Variants in ADAMTS18 observed in about 807,000 individuals in gnomAD.
The protein encoded by ADAMTS18 is A disintegrin and metalloproteinase with thrombospondin motifs 18.
In ADAMTS18, 157 loss-of-function variants were observed where a neutral mutation model predicts 165.9. The ratio of observed to expected loss-of-function variants is 0.95; its 90% CI spans 0.83 to 1.08. The LOEUF (loss-of-function observed/expected upper bound fraction) is 1.08. Among genes scored for constraint, ADAMTS18 ranks in the 50% least tolerant of loss-of-function variants. ADAMTS18 has a pLI of 0.00. For missense variants in ADAMTS18, 2,040 were observed against 1,534.0 expected (o/e 1.33, Z -5.51); for synonymous variants, 782 against 578.2 (o/e 1.35, Z -5.06).
chr16:77,352,499 G>A (rs1021374937), intron 10 of ADAMTS18, among the ~76,000 whole-genome samples: 16 of 152,074 alleles, frequency 1.1e-4, no homozygotes, highest in African/African-American at 3.1e-4. Flanking sequence ...GGTCAAAAGC[G>A]GTAATAATTC....
chr16:77,358,098 T>G (rs2056657688), intron 8 of ADAMTS18, among the ~76,000 whole-genome samples: 1 of 152,232 alleles, frequency 6.6e-6, no homozygotes, highest in Non-Finnish European at 1.5e-5. Flanking sequence ...AGCATTGTTC[T>G]TAGTGAGCAT....
intron 6 of ADAMTS18, 61 bp from the exon 7 acceptor site, chr16:77,362,325 A>C (rs2056727833): frequency 6.3e-7 from 1 of 1,577,652 alleles, no homozygotes; most frequent in Non-Finnish European, 8.7e-7. Context: ...ATGCTGAATC[A>C]TTCCATTTGT....
intron 16 of ADAMTS18, among the ~76,000 whole-genome samples, chr16:77,304,276 C>G (rs902875942): frequency 6.6e-6 from 1 of 152,112 alleles, no homozygotes; most frequent in Admixed American, 6.5e-5. Context: ...CTGGGCAACA[C>G]AGCAAGACCC....
intron 3 of ADAMTS18, among the ~76,000 whole-genome samples, chr16:77,404,061 C>T (rs2057364985): frequency 7.0e-6 from 1 of 142,270 alleles, no homozygotes; most frequent in African/African-American, 2.5e-5. Flanking sequence ...CCCTTTTCCT[C>T]TGCTTTCTGC....
At position 77,325,954 on chromosome 16, in the gene ADAMTS18, C is replaced by G; in HGVS notation, c.1944G>C (p.Leu648Phe). The change falls in exon 13 of 23, where the codon TTG becomes TTC. Residue 648 changes from leucine (L) to phenylalanine (F), a missense_variant. By Grantham distance (22) the Leu-to-Phe change is conservative (BLOSUM62 0). Coordinates refer to ENST00000282849, the MANE Select transcript of ADAMTS18 (RefSeq NM_199355.4). ...CNINPCNENS[L>F]DFRAQQCAEY... ...CTGCACACTGTTGAGCCCGAAAATC[C>G]AAGCTATTTTCATTGCAAGGGTTAA... 1 of 1,614,008 alleles carries G rather than the reference C, an allele frequency of 6.2e-7. No homozygotes were observed. Among genetic ancestry groups the G allele is most frequent in the Non-Finnish European group, 8.5e-7 (1 of 1,179,952 alleles).
chr16:77,289,440 G>A, intron 21 of ADAMTS18, 29 bp from the exon 22 acceptor site: 2 of 1,612,732 alleles, frequency 1.2e-6, no homozygotes, highest in Non-Finnish European at 1.7e-6. Context: ...GAAGGAGTCA[G>A]AAACACTCTA....
chr16:77,288,811 C>G (rs374253310), intron 22 of ADAMTS18, among the ~76,000 whole-genome samples: 1 of 152,148 alleles, frequency 6.6e-6, no homozygotes, highest in Non-Finnish European at 1.5e-5. Flanking sequence ...CAGACCCATG[C>G]AAACAAGATC....
At chr16:77,379,280 A>G (rs550877905) in intron 3 of ADAMTS18, among the ~76,000 whole-genome samples, 1 of 152,158 alleles carries the variant, frequency 6.6e-6, no homozygotes, top group South Asian at 2.1e-4. Flanking sequence ...TCAATCTCTT[A>G]TCCTCCTGCT....
At chr16:77,361,402 T>C (rs1056032360) in intron 7 of ADAMTS18, among the ~76,000 whole-genome samples, 4 of 152,190 alleles carry the variant, frequency 2.6e-5, no homozygotes, top group African/African-American at 9.7e-5. Context: ...ATGGAAGAAA[T>C]GAGTACTTCA....
chr16:77,343,859 C>T (rs2056435671), intron 10 of ADAMTS18, among the ~76,000 whole-genome samples: 1 of 151,900 alleles, frequency 6.6e-6, no homozygotes, highest in African/African-American at 2.4e-5. Context: ...ATTCTATTTC[C>T]AAAGATAAAA....
chr16:77,427,528 T>A (rs1406254904), intron 3 of ADAMTS18, among the ~76,000 whole-genome samples: 1 of 152,192 alleles, frequency 6.6e-6, no homozygotes, highest in African/African-American at 2.4e-5. Context: ...ATTAGGTTAA[T>A]CTGTACCTCT....
intron 16 of ADAMTS18, among the ~76,000 whole-genome samples, chr16:77,307,436 T>C (rs954044): frequency 0.82 from 125,174 of 152,222 alleles, 51,726 homozygotes; most frequent in African/African-American, 0.89. Flanking sequence ...GATTTGGAAA[T>C]GCATCTGTTA....
At chr16:77,312,866 C>G (rs1424459321) in intron 16 of ADAMTS18, among the ~76,000 whole-genome samples, 2 of 152,122 alleles carry the variant, frequency 1.3e-5, no homozygotes, top group Non-Finnish European at 2.9e-5. Flanking sequence ...CTAGTTCAAC[C>G]ATTGTGGAAG....
At chr16:77,392,595 C>A (rs1258645666) in intron 3 of ADAMTS18, among the ~76,000 whole-genome samples, 1 of 152,150 alleles carries the variant, frequency 6.6e-6, no homozygotes, top group Non-Finnish European at 1.5e-5. Flanking sequence ...TCGATAGATT[C>A]TAAATGCCTT....
At chr16:77,422,320 C>T (rs1044263553) in intron 3 of ADAMTS18, among the ~76,000 whole-genome samples, 8 of 151,872 alleles carry the variant, frequency 5.3e-5, no homozygotes, top group Admixed American at 3.3e-4. Flanking sequence ...GAATAAGTCA[C>T]CGCAGATGCC....
rs2055158088 is a variant in ADAMTS18 at position 77,282,177 on chromosome 16, A to G, written c.*1779T>C. 1 of 152,198 alleles carries G rather than the reference A, an allele frequency of 6.6e-6. No individual in the cohort carries two copies. Among genetic ancestry groups the G allele is most frequent in the Non-Finnish European group, 1.5e-5 (1 of 68,026 alleles). The allele number at this position is 152,198 out of a possible 1,614,324, so 9.4% of individuals were successfully genotyped here. ...TTATTATAAAACTTATAAAATAATT[A>G]AATATTACACATATATTTTGACTTT... On this transcript the variant is annotated 3_prime_UTR_variant, in exon 23 of 23. Transcript: ENST00000282849.
At chr16:77,336,524 T>G (rs1449502022) in intron 11 of ADAMTS18, among the ~76,000 whole-genome samples, 2 of 152,340 alleles carry the variant, frequency 1.3e-5, no homozygotes, top group Non-Finnish European at 2.9e-5. Flanking sequence ...TCTCTTCAGA[T>G]AGCATCCTTT....
intron 3 of ADAMTS18, among the ~76,000 whole-genome samples, chr16:77,368,083 A>G (rs1178718126): frequency 6.6e-6 from 1 of 152,190 alleles, no homozygotes; most frequent in Non-Finnish European, 1.5e-5. Flanking sequence ...ATGTGGCCCA[A>G]GCTGGTTTTG....
chr16:77,359,677 G>A (rs1377827668), intron 7 of ADAMTS18, among the ~76,000 whole-genome samples: 1 of 152,092 alleles, frequency 6.6e-6, no homozygotes, highest in African/African-American at 2.4e-5. Flanking sequence ...GCCCTGTAAG[G>A]TCAGTATGAG....
Sources: gnomAD v4.1 joint callset for allele counts (sites outside exome capture counted in the v4.1 genomes callset) on GRCh38, gnomAD v4.1.1 for gene constraint, MANE v1.5 for transcripts, NCBI Gene and HGNC (gene_info 2026-07-23, HGNC 2026-07-21) for gene names.